Variants in SBF2 observed in about 807,000 individuals in gnomAD.
SBF2 encodes the protein myotubularin-related protein 13.
A neutral mutation model predicts 225.2 loss-of-function variants in SBF2; 112 were observed. That is an observed-to-expected ratio of 0.50 (90% confidence interval 0.43 to 0.58). SBF2 has a LOEUF of 0.58. Among genes scored for constraint, SBF2 ranks in the 20% least tolerant of loss-of-function variants. The pLI is 0.00. For synonymous variants in SBF2, 763 were observed against 773.3 expected (o/e 0.99, Z 0.22); for missense variants, 1,996 against 2,206.2 (o/e 0.90, Z 1.91).
intron 17 of SBF2, among the ~76,000 whole-genome samples, chr11:9,864,443 G>T (rs1858017474): frequency 6.6e-6 from 1 of 152,094 alleles, no homozygotes; most frequent in African/African-American, 2.4e-5. Context: ...CTGGAGTGTA[G>T]TGGCACAAAC....
At chr11:9,910,635 G>C (rs1243402321) in intron 16 of SBF2, among the ~76,000 whole-genome samples, 1 of 151,748 alleles carries the variant, frequency 6.6e-6, no homozygotes, top group African/African-American at 2.4e-5. Flanking sequence ...GGATGATCCT[G>C]ACCCTGTGTA....
intron 1 of SBF2, among the ~76,000 whole-genome samples, chr11:10,225,928 CAA>C (rs1958520503): frequency 6.6e-6 from 1 of 152,090 alleles, no homozygotes; most frequent in Non-Finnish European, 1.5e-5. Context: ...GTATGTTTTT[CAA>C]AGTCTTAAAA....
At chr11:10,078,546 A>G (rs1446354317) in intron 2 of SBF2, among the ~76,000 whole-genome samples, 2 of 151,894 alleles carry the variant, frequency 1.3e-5, no homozygotes, top group African/African-American at 4.8e-5. Context: ...ACCAAACACC[A>G]CATGTTCTCA....
chr11:10,170,146 A>C (rs973366854), intron 2 of SBF2, among the ~76,000 whole-genome samples: 6 of 151,670 alleles, frequency 4.0e-5, no homozygotes, highest in Non-Finnish European at 8.8e-5. Flanking sequence ...ATGTGATCCT[A>C]TTTGTCCATT....
chr11:10,172,417 T>C (rs1956236214), intron 2 of SBF2, among the ~76,000 whole-genome samples: 3 of 152,144 alleles, frequency 2.0e-5, no homozygotes, highest in African/African-American at 7.2e-5. Context: ...CAATGGCGCA[T>C]CTCAGCTCAC....
At chr11:9,796,299 T>C (rs1467526435) in intron 32 of SBF2, among the ~76,000 whole-genome samples, 3 of 152,316 alleles carry the variant, frequency 2.0e-5, no homozygotes, top group East Asian at 3.9e-4. Context: ...CAGTAGTTAG[T>C]GAGCCCAAAT....
chr11:9,947,980 A>C (rs1278205023), intron 16 of SBF2, among the ~76,000 whole-genome samples: 1 of 152,188 alleles, frequency 6.6e-6, no homozygotes, highest in Non-Finnish European at 1.5e-5. Flanking sequence ...AGATGTTTGC[A>C]TACTCATGTT....
intron 14 of SBF2, among the ~76,000 whole-genome samples, chr11:9,967,240 C>T (rs1277773570): frequency 2.6e-5 from 4 of 151,968 alleles, no homozygotes; most frequent in African/African-American, 9.7e-5. Flanking sequence ...GGCCTGGTGG[C>T]GGGCGCCTGG....
intron 32 of SBF2, 61 bp downstream of exon 32, chr11:9,807,939 C>T: frequency 6.9e-7 from 1 of 1,442,352 alleles, no homozygotes; most frequent in East Asian, 2.3e-5. Context: ...AATGCTCCAT[C>T]AATGCTAGTA....
At chr11:10,196,858 A>ATT (rs1268280949) in intron 1 of SBF2, among the ~76,000 whole-genome samples, 8 of 17,074 alleles carry the variant, frequency 4.7e-4, no homozygotes, top group Non-Finnish European at 1.2e-3. Flanking sequence ...ATATATATAT[A>ATT]TATATATATT....
intron 8 of SBF2, 26 bp from the exon 9 acceptor site, chr11:9,998,405 A>G: frequency 8.1e-7 from 1 of 1,229,944 alleles, no homozygotes; most frequent in Non-Finnish European, 1.2e-6. Flanking sequence ...AAATTAACCT[A>G]TAATTACCAA....
At chr11:9,874,600 C>T (rs1307585004) in intron 17 of SBF2, among the ~76,000 whole-genome samples, 1 of 152,156 alleles carries the variant, frequency 6.6e-6, no homozygotes, top group Non-Finnish European at 1.5e-5. Context: ...TAAACTGTAA[C>T]TGTTACTTCA....
chr11:10,238,463 T>A (rs1030049412), intron 1 of SBF2, among the ~76,000 whole-genome samples: 2 of 152,164 alleles, frequency 1.3e-5, no homozygotes, highest in African/African-American at 4.8e-5. Flanking sequence ...AGAAGGCTGG[T>A]GTAGCTCTAT....
At position 9,911,315 on chromosome 11, in the gene SBF2, C is replaced by A. The variant is rs537973544; in HGVS notation, c.1861-15304G>T. Among the ~76,000 whole-genome samples the A allele has an allele frequency of 3.4e-5, 5 of 148,178 alleles. No individual in the cohort carries two copies. In the South Asian group the frequency reaches 1.1e-3, roughly 31 times the overall value. On this transcript the variant is annotated intron_variant, in intron 16 of 39. Transcript: ENST00000256190. ...CTGGGAGGTGGAAGTTTCAAGGAGG[C>A]AGAAGTTTCAGTGAGCCAAGATCAT...
chr11:10,192,664 A>G (rs1029409640), intron 2 of SBF2, among the ~76,000 whole-genome samples: 1 of 152,150 alleles, frequency 6.6e-6, no homozygotes, highest in Non-Finnish European at 1.5e-5. Flanking sequence ...CATTTTATAG[A>G]TAAGTATTCT....
Position 10,001,006 on chromosome 11 carries a change from T to G in SBF2, c.769A>C (p.Ile257Leu). Residue 257 changes from isoleucine to leucine, a missense_variant, in exon 8 of 40, where the codon ATT becomes CTT. Transcript: ENST00000256190. ...PLKYSYPYIP[I>L]LPAQLLEVLS... ...ACTTCCAGTAGCTGAGCCGGGAGAA[T>G]AGGGATATAAGGATAACTGGAAATA... 1 of 1,578,224 alleles carries G rather than the reference T, an allele frequency of 6.3e-7. No homozygotes were observed. The highest frequency in any genetic ancestry group is 1.3e-5 in the African/African-American group (1 of 74,208).
At chr11:9,928,767 T>C (rs1332332505) in intron 16 of SBF2, 1 of 186,462 alleles carries the variant, frequency 5.4e-6, no homozygotes, top group East Asian at 1.5e-4. Context: ...AATCTGCCGT[T>C]TGATACTGGA....
At chr11:9,836,786 G>C (rs992326586) in intron 26 of SBF2, among the ~76,000 whole-genome samples, 2 of 152,042 alleles carry the variant, frequency 1.3e-5, no homozygotes, top group African/African-American at 4.8e-5. Context: ...GTCTTGCACT[G>C]GTTATTAGAT....
chr11:9,960,720 A>C (rs971209661), intron 16 of SBF2: 5 of 152,206 alleles, frequency 3.3e-5, no homozygotes. Context: ...GCTGGAGTGC[A>C]GTGGCACGAT....
Sources: gnomAD v4.1 joint callset for allele counts (sites outside exome capture counted in the v4.1 genomes callset) on GRCh38, gnomAD v4.1.1 for gene constraint, MANE v1.5 for transcripts, NCBI Gene and HGNC (gene_info 2026-07-23, HGNC 2026-07-21) for gene names.